The following PLS1 variants were observed in gnomAD, a reference collection of about 807,000 sequenced individuals.
PLS1 encodes the protein plastin 1, also known as plastin-1.
A neutral mutation model predicts 73.7 loss-of-function variants in PLS1; 32 were observed. The observed-to-expected ratio is 0.43, with a 90% CI of 0.33 to 0.58. The LOEUF (loss-of-function observed/expected upper bound fraction) is 0.58, where lower values mean the gene tolerates loss of function less well. Ranked by LOEUF, PLS1 falls within the 20% of genes least tolerant of loss-of-function variation. The probability of loss-of-function intolerance (pLI) is 0.04; values close to 1 mark genes in which losing one functional copy is unlikely to be tolerated. For synonymous variants in PLS1, 217 were observed against 261.3 expected (o/e 0.83, Z 1.63); for missense variants, 633 against 740.5 (o/e 0.85, Z 1.68).
intron 1 of PLS1, among the ~76,000 whole-genome samples, chr3:142,601,927 T>C (rs1333573611): frequency 1.3e-5 from 2 of 152,158 alleles, no homozygotes; most frequent in Admixed American, 6.5e-5. Flanking sequence ...CCCAGGCCTA[T>C]CTGACTTTAT....
chr3:142,641,805 C>T (rs911484580), intron 1 of PLS1, among the ~76,000 whole-genome samples: 2 of 152,118 alleles, frequency 1.3e-5, no homozygotes, highest in Admixed American at 1.3e-4. Flanking sequence ...CAGGCTCCCC[C>T]TGACACCTAG....
chr3:142,634,291 T>G (rs1029781257), intron 1 of PLS1, among the ~76,000 whole-genome samples: 2 of 152,196 alleles, frequency 1.3e-5, no homozygotes, highest in African/African-American at 2.4e-5. Context: ...CCAAATTTGA[T>G]GAAACCTATA....
At chr3:142,680,076 G>A (rs555360924) in intron 6 of PLS1, among the ~76,000 whole-genome samples, 1 of 152,248 alleles carries the variant, frequency 6.6e-6, no homozygotes, top group Admixed American at 6.5e-5. Context: ...CTCTCTGTTT[G>A]TCTGTTATAA....
At chr3:142,630,277 G>C (rs187123182) in intron 1 of PLS1, among the ~76,000 whole-genome samples, 1 of 151,516 alleles carries the variant, frequency 6.6e-6, no homozygotes, top group Non-Finnish European at 1.5e-5. Context: ...AAAAACTATC[G>C]GGGCGTGGTG....
chr3:142,707,854 C>A (rs1577918086), intron 14 of PLS1, among the ~76,000 whole-genome samples: 1 of 152,232 alleles, frequency 6.6e-6, no homozygotes, highest in Admixed American at 6.5e-5. Flanking sequence ...ATGAGAAGGG[C>A]ATCTGTTTTA....
At chr3:142,707,114 T>G (rs1245160146) in intron 14 of PLS1, among the ~76,000 whole-genome samples, 1 of 152,160 alleles carries the variant, frequency 6.6e-6, no homozygotes, top group Non-Finnish European at 1.5e-5. Flanking sequence ...GGCAGAAACA[T>G]CGCGAAAGTG....
chr3:142,697,247 C>T, intron 11 of PLS1, among the ~76,000 whole-genome samples: 1 of 152,144 alleles, frequency 6.6e-6, no homozygotes, highest in Non-Finnish European at 1.5e-5. Context: ...AAGTTCCTTC[C>T]TCTTAACCCT....
chr3:142,689,969 G>C lies in PLS1; in HGVS notation c.1177+156G>C, dbSNP rs536486097. Among the ~76,000 whole-genome samples the C allele has an allele frequency of 5.9e-5, 9 of 152,198 alleles. No individual in the cohort carries two copies. In the East Asian group the frequency reaches 1.7e-3, roughly 29 times the overall value. On this transcript the variant is annotated intron_variant, in intron 10 of 15. Transcript: ENST00000457734. ...AAAATTAAAATTATGGAAGGTGGTT[G>C]CTGGTTTTGGTTAAAAGAGAATGCT...
chr3:142,641,393 C>T (rs1219331100), intron 1 of PLS1, among the ~76,000 whole-genome samples: 4 of 149,518 alleles, frequency 2.7e-5, no homozygotes, highest in Non-Finnish European at 5.9e-5. Flanking sequence ...AATCTCACCA[C>T]CCTCATCCCC....
At chr3:142,705,701 C>T (rs1410833916) in intron 14 of PLS1, among the ~76,000 whole-genome samples, 1 of 152,188 alleles carries the variant, frequency 6.6e-6, no homozygotes, top group African/African-American at 2.4e-5. Flanking sequence ...TTTGCCTTCG[C>T]TCTATATGCT....
chr3:142,652,606 C>T lies in PLS1; in HGVS notation c.-36-11596C>T, dbSNP rs999977343. Among the ~76,000 whole-genome samples, 3 of 152,256 alleles carry T rather than the reference C, an allele frequency of 2.0e-5. No homozygotes were observed. In the East Asian group the frequency reaches 5.8e-4, roughly 29 times the overall value. On this transcript the variant is annotated intron_variant, in intron 1 of 15. Transcript: ENST00000457734. The stretch of plus-strand genomic sequence containing the variant: ...GAGGCGGGGGAACCAAGGTGAGGCA[C>T]GTTTCACATTGTCCCTCTTTGCCTA...
intron 1 of PLS1, among the ~76,000 whole-genome samples, chr3:142,643,222 CAGGAGTTGTGTCAGGGT>C (rs569231938): frequency 1.6e-3 from 241 of 152,150 alleles, no homozygotes; most frequent in African/African-American, 5.5e-3. Context: ...AAGGAAGGGC[CAGGAGTTGTGTCAGGGT>C]AGAGAGTTTT....
Position 142,676,182 on chromosome 3 carries a change from C to T in PLS1, c.390C>T (p.Asn130=). ...AGGAAGAAAAAGTGGCTTTTGTTAA[C>T]TGGATAAACAAAGCCCTGGAGAATG... is the stretch of plus-strand genomic sequence containing the variant. ...YSEEEKVAFV[N]WINKALENDP... is the part of the protein sequence containing the mutation. Residue 130 remains asparagine, a synonymous_variant, in exon 5 of 16, where the codon AAC becomes AAT. Transcript: ENST00000457734. 6.2e-7 allele frequency: 1 copy of T among 1,612,396 alleles called. No homozygotes were observed. Among genetic ancestry groups the T allele is most frequent in the Non-Finnish European group, 8.5e-7 (1 of 1,179,340 alleles).
At chr3:142,679,400 GT>G (rs1348200280) in intron 6 of PLS1, among the ~76,000 whole-genome samples, 1 of 150,554 alleles carries the variant, frequency 6.6e-6, no homozygotes, top group Non-Finnish European at 1.5e-5. Flanking sequence ...GGTTTTTATG[GT>G]TTTAGGTCTA....
At position 142,670,944 on chromosome 3, in the gene PLS1, G is replaced by T. The variant is rs761351857; in HGVS notation, c.235-49G>T. On this transcript the variant is annotated intron_variant, in intron 3 of 15. Coordinates refer to ENST00000457734, the MANE Select transcript of PLS1 (RefSeq NM_001145319.2). Reference sequence around the variant, plus strand: ...GTGTAAATAAATATCCATTTTGTCAGGTTTTTATTGATTATCTGATTCTCA... The same window carrying T: ...GTGTAAATAAATATCCATTTTGTCATGTTTTTATTGATTATCTGATTCTCA... 4 of 1,343,402 alleles carry T rather than the reference G, an allele frequency of 3.0e-6. No homozygotes were observed. The East Asian group carries it at 7.0e-5, about 23-fold the overall frequency. 83.2% of individuals were successfully genotyped at this position (1,343,402 alleles called of 1,614,324 possible).
intron 1 of PLS1, among the ~76,000 whole-genome samples, chr3:142,655,897 A>C (rs1288979638): frequency 2.0e-5 from 3 of 152,128 alleles, no homozygotes; most frequent in Admixed American, 2.0e-4. Context: ...TTTGAAAATA[A>C]AATTGTCTTT....
At chr3:142,675,563 A>C (rs1359208842) in intron 4 of PLS1, among the ~76,000 whole-genome samples, 3 of 151,488 alleles carry the variant, frequency 2.0e-5, no homozygotes, top group Non-Finnish European at 4.4e-5. Flanking sequence ...ATTTTTGTTT[A>C]TTTAGTAGAG....
At chr3:142,648,397 G>C (rs941040561) in intron 1 of PLS1, among the ~76,000 whole-genome samples, 24 of 152,116 alleles carry the variant, frequency 1.6e-4, no homozygotes, top group African/African-American at 5.6e-4. Context: ...AATTGTTGCG[G>C]CTGTGATCTC....
chr3:142,691,292 G>A (rs1176417107), intron 10 of PLS1, among the ~76,000 whole-genome samples: 1 of 151,868 alleles, frequency 6.6e-6, no homozygotes, highest in Non-Finnish European at 1.5e-5. Flanking sequence ...ACGTAACTGA[G>A]AGGGAAAATA....
Sources: gnomAD v4.1 joint callset for allele counts (sites outside exome capture counted in the v4.1 genomes callset) on GRCh38, gnomAD v4.1.1 for gene constraint, MANE v1.5 for transcripts, NCBI Gene and HGNC (gene_info 2026-07-23, HGNC 2026-07-21) for gene names.